The following PHACTR2 variants were observed in gnomAD, a reference collection of about 807,000 sequenced individuals.
The protein encoded by PHACTR2 is chromosome 6 open reading frame 56.
Under a neutral mutation model 76.0 loss-of-function variants are expected in PHACTR2, and 30 were observed. The observed-to-expected ratio is 0.39, with a 90% CI of 0.30 to 0.54. The LOEUF is 0.54. PHACTR2 is among the 20% of genes least tolerant of loss of function. The pLI is 0.61. For synonymous variants in PHACTR2, 292 were observed against 292.5 expected (o/e 1.00, Z 0.02); for missense variants, 696 against 781.1 (o/e 0.89, Z 1.30).
At chr6:143,682,906 A>AT (rs1777430463) in intron 1 of PHACTR2, among the ~76,000 whole-genome samples, 1 of 151,998 alleles carries the variant, frequency 6.6e-6, no homozygotes, top group Non-Finnish European at 1.5e-5. Context: ...AGATTGTTCA[A>AT]TTTTGTCAAA....
intron 1 of PHACTR2, among the ~76,000 whole-genome samples, chr6:143,632,526 C>G (rs907720136): frequency 7.2e-5 from 11 of 152,118 alleles, no homozygotes; most frequent in African/African-American, 2.7e-4. Context: ...GGATGTCTCC[C>G]CCCGACTATG....
At chr6:143,612,286 C>A (rs1374226223) in intron 1 of PHACTR2, among the ~76,000 whole-genome samples, 2 of 152,170 alleles carry the variant, frequency 1.3e-5, no homozygotes, top group Non-Finnish European at 2.9e-5. Context: ...AAAGGCCAGG[C>A]TGTCACATAA....
rs969408636 is a variant in PHACTR2, at chr6:143,559,704, T to C, written c.217+22497T>C. 5.6e-4 allele frequency among the ~76,000 whole-genome samples: 68 copies of C among 122,508 alleles called. 1 individual carries two copies. The highest frequency in any genetic ancestry group is 1.7e-3 in the African/African-American group (55 of 31,840). 80.4% of individuals were successfully genotyped at this position (122,508 alleles called of 152,430 possible). A position where few individuals can be genotyped will look rare whatever the true frequency, so the allele number is the denominator to read the frequency against. On this transcript the variant is annotated intron_variant, in intron 1 of 11. Transcript: ENST00000367584. ...ATTTTTCTTTTCTTTTTTTTTTTTT[T>C]TTTTTTTTTTTTTTTTTTTTTTGGA...
rs184541642 is a variant in PHACTR2 at position 143,734,596 on chromosome 6, A to T, written c.215-14389A>T. On this transcript the variant is annotated intron_variant, in intron 2 of 12. Transcript: ENST00000440869. ...TTTCTGATTACAAATGACACATTTT[A>T]AAAATCACACACATAGAATGAATTG... 5.0e-3 allele frequency among the ~76,000 whole-genome samples: 767 copies of T among 152,352 alleles called. 4 individuals are homozygous for T. Among genetic ancestry groups the T allele is most frequent in the Middle Eastern group, 0.031 (9 of 294 alleles).
chr6:143,762,561 C>T (rs945069936), intron 5 of PHACTR2, among the ~76,000 whole-genome samples: 3 of 152,134 alleles, frequency 2.0e-5, no homozygotes, highest in African/African-American at 7.2e-5. Context: ...CCTTTATGAT[C>T]CTACTGATAG....
At chr6:143,629,334 T>G (rs1003567363) in intron 1 of PHACTR2, among the ~76,000 whole-genome samples, 2 of 152,130 alleles carry the variant, frequency 1.3e-5, no homozygotes, top group Admixed American at 1.3e-4. Flanking sequence ...AGTCTAAATT[T>G]TTCCTTTCAG....
intron 11 of PHACTR2, 36 bp downstream of exon 11, chr6:143,788,946 G>C (rs1461300294): frequency 1.3e-6 from 2 of 1,581,396 alleles, no homozygotes; most frequent in Non-Finnish European, 1.7e-6. Flanking sequence ...TGATTGTATT[G>C]CTTTTCTGGA....
Position 143,683,880 on chromosome 6 carries a change from A to G in PHACTR2, c.46+5671A>G, listed in dbSNP as rs1344185802. Among the ~76,000 whole-genome samples the G allele has an allele frequency of 1.3e-5, 2 of 152,178 alleles. 1 individual carries two copies. Among genetic ancestry groups the G allele is most frequent in the Non-Finnish European group, 2.9e-5 (2 of 68,044 alleles). ...ATGAACAGTTTTTTTCATTCCACAC[A>G]GTTTTCATTCATAGATATATCTTTA... On this transcript the variant is annotated intron_variant, in intron 1 of 12. Transcript: ENST00000440869. The surrounding 1 kb of genome is among the most constrained non-coding windows in gnomAD (Gnocchi z 4.1).
At chr6:143,614,802 T>C (rs1776035922) in intron 1 of PHACTR2, among the ~76,000 whole-genome samples, 1 of 152,356 alleles carries the variant, frequency 6.6e-6, no homozygotes, top group East Asian at 1.9e-4. Context: ...GAAAGGGAGC[T>C]AGGCCTTGAA....
intron 1 of PHACTR2, among the ~76,000 whole-genome samples, chr6:143,603,152 A>G (rs1028907860): frequency 3.3e-5 from 5 of 150,742 alleles, no homozygotes; most frequent in South Asian, 2.1e-4. Flanking sequence ...TCTCAAAAAA[A>G]AAAAAAAAAA....
In PHACTR2 at chr6:143,765,660, T is replaced by G. The variant is rs766160688; in HGVS notation, c.1094T>G (p.Val365Gly). 5 of 1,614,166 alleles carry G rather than the reference T, an allele frequency of 3.1e-6. No homozygotes were observed. The East Asian group carries it at 1.1e-4, about 36-fold the overall frequency. Residue 365 changes from valine to glycine, a missense_variant, in exon 6 of 13, where the codon GTT (valine) becomes GGT (glycine). Physicochemically the swap from Val to Gly is moderately radical, Grantham distance 109. This residue lies in a region of PHACTR2 where 460 missense variants were observed against 450.9 expected (regional missense o/e 1.02). Coordinates refer to ENST00000440869, the MANE Select transcript of PHACTR2 (RefSeq NM_001100164.2). This position sits in a 1 kb window ranked among gnomAD's most constrained non-coding sequence, Gnocchi z 4.1. ...TGCATTACTGCCTCAGACACTCCAG[T>G]TGTCCTCGTCAGCGTTGGAGCTGAC... ...DQCITASDTPVVLVSVGADLP... is the reference protein window; with the variant it reads ...DQCITASDTPGVLVSVGADLP...
In PHACTR2 at chr6:143,611,897, C is replaced by T. The variant is rs1490265131; in HGVS notation, c.13+3575C>T. 1.3e-5 allele frequency among the ~76,000 whole-genome samples: 2 copies of T among 152,042 alleles called. No individual in the cohort carries two copies. The highest frequency in any genetic ancestry group is 1.9e-4 in the East Asian group (1 of 5,192). The stretch of plus-strand genomic sequence containing the variant: ...TTGGATATGCATCAGCAGAGCACGA[C>T]GAGTGGATATGGAGGCAGGGAGAAC... On this transcript the variant is annotated intron_variant, in intron 1 of 11. Coordinates refer to the PHACTR2 transcript ENST00000305766. The surrounding 1 kb of genome is among the most constrained non-coding windows in gnomAD (Gnocchi z 4.4).
At position 143,814,829 on chromosome 6, in the gene PHACTR2, G is replaced by T. The variant is rs569214406; in HGVS notation, c.1922+7696G>T. Among the ~76,000 whole-genome samples the T allele has an allele frequency of 5.3e-5, 8 of 151,978 alleles. No individual in the cohort carries two copies. The South Asian group carries it at 1.5e-3, about 28-fold the overall frequency. On this transcript the variant is annotated intron_variant, in intron 12 of 12. Transcript: ENST00000440869. ...GTGTTAGCCAGGATGGTCCCAATCT[G>T]CTGACCTCGTGATCCGCCCGCCTCG...
intron 1 of PHACTR2, among the ~76,000 whole-genome samples, chr6:143,629,949 GTGATCCAAGCTGCCCTCTGA>G (rs1219978369): frequency 1.8e-4 from 27 of 152,118 alleles, no homozygotes; most frequent in Admixed American, 3.9e-4. Context: ...AGCAGATGAT[GTGATCCAAGCTGCCCTCTGA>G]AAAGCAATCA....
In PHACTR2 at chr6:143,741,778, G is replaced by T. The variant is rs537781639; in HGVS notation, c.215-7207G>T. On this transcript the variant is annotated intron_variant, in intron 2 of 12. Coordinates refer to ENST00000440869, the MANE Select transcript of PHACTR2 (RefSeq NM_001100164.2). ...CCCTCAAAAACCTAGAGAATCTGTG[G>T]TGACTACTGGAAGAAAATTCAATTT... 7.2e-5 allele frequency among the ~76,000 whole-genome samples: 11 copies of T among 152,164 alleles called. No individual in the cohort carries two copies. In the East Asian group the frequency reaches 2.1e-3, roughly 29 times the overall value.
rs1316201742 is a variant in PHACTR2, at chr6:143,633,283, G to T, written c.13+24961G>T. Among the ~76,000 whole-genome samples, 1 of 152,208 alleles carries T rather than the reference G, an allele frequency of 6.6e-6. No homozygotes were observed. Among genetic ancestry groups the T allele is most frequent in the Admixed American group, 6.5e-5 (1 of 15,288 alleles). On this transcript the variant is annotated intron_variant, in intron 1 of 11. Transcript: ENST00000305766. This position sits in a 1 kb window ranked among gnomAD's most constrained non-coding sequence, Gnocchi z 4.1. ...TCTACCAGGATTTGGTGTTGTCAAT[G>T]TTCTGGATTTTGACCATTCTCAAAG...
At chr6:143,582,182 G>A in intron 1 of PHACTR2, among the ~76,000 whole-genome samples, 1 of 152,128 alleles carries the variant, frequency 6.6e-6, no homozygotes, top group East Asian at 1.9e-4. Flanking sequence ...GGAGAACTGT[G>A]GGGCACCCAG....
At chr6:143,762,396 A>G (rs529725551) in intron 5 of PHACTR2, among the ~76,000 whole-genome samples, 10 of 152,220 alleles carry the variant, frequency 6.6e-5, no homozygotes, top group Non-Finnish European at 1.5e-4. Context: ...TTAGGCACTC[A>G]TGATGCTCCT....
At chr6:143,626,406 G>A (rs963120226) in intron 1 of PHACTR2, among the ~76,000 whole-genome samples, 1 of 151,952 alleles carries the variant, frequency 6.6e-6, no homozygotes, top group African/African-American at 2.4e-5. Context: ...GCGCGGTGGT[G>A]GGCGCCTTTA....
Sources: allele counts gnomAD v4.1 joint callset (sites outside exome capture counted in the v4.1 genomes callset), GRCh38; gene constraint gnomAD v4.1.1; regional missense constraint gnomAD v4.1.1; non-coding constraint Gnocchi (gnomAD v3.1); transcripts MANE v1.5; gene names NCBI Gene and HGNC (gene_info 2026-07-23, HGNC 2026-07-21).